The following METTL16 variants were observed in gnomAD, a reference collection of about 807,000 sequenced individuals.
The protein encoded by METTL16 is RNA N(6)-adenosine-methyltransferase METTL16.
Under a neutral mutation model 57.9 loss-of-function variants are expected in METTL16, and 19 were observed. The observed-to-expected ratio is 0.33, with a 90% CI of 0.23 to 0.48. The LOEUF (loss-of-function observed/expected upper bound fraction) is 0.48. METTL16 is among the 20% of genes least tolerant of loss of function. The pLI, the probability that METTL16 is intolerant of heterozygous loss-of-function variation, is 0.99. For missense variants in METTL16, 434 were observed against 691.5 expected, an observed-to-expected ratio of 0.63 and a Z score of 4.18; for synonymous variants, 246 against 255.6, an observed-to-expected ratio of 0.96 and a Z score of 0.36.
intron 1 of METTL16, among the ~76,000 whole-genome samples, chr17:2,506,975 G>A (rs148431520): frequency 0.58 from 84,350 of 144,562 alleles, 28,371 homozygotes; most frequent in Non-Finnish European, 0.75. Context: ...CCTGGCAACC[G>A]CCCCGTCGGA....
chr17:2,464,414 A>T, intron 5 of METTL16, 64 bp from the exon 6 acceptor site: 1 of 1,461,206 alleles, frequency 6.8e-7, no homozygotes, highest in South Asian at 1.4e-5. Flanking sequence ...TTTGAATGTA[A>T]TCTATCTCTA....
intron 2 of METTL16, among the ~76,000 whole-genome samples, chr17:2,492,902 A>AAAAAAC (rs1235663512): frequency 7.5e-6 from 1 of 133,938 alleles, no homozygotes; most frequent in African/African-American, 2.6e-5. Context: ...CGTCTCAAAA[A>AAAAAAC]AAAAAAAAAA....
At chr17:2,493,570 T>C (rs948520192) in intron 2 of METTL16, among the ~76,000 whole-genome samples, 1 of 151,868 alleles carries the variant, frequency 6.6e-6, no homozygotes, top group African/African-American at 2.4e-5. Flanking sequence ...AATACAAAAA[T>C]TAGCCAGCTG....
At chr17:2,454,626 A>G (rs2067096149) in intron 6 of METTL16, among the ~76,000 whole-genome samples, 1 of 141,458 alleles carries the variant, frequency 7.1e-6, no homozygotes, top group African/African-American at 2.7e-5. Context: ...GTGCAGTGGC[A>G]TGATCTCAGC....
At chr17:2,458,405 A>C (rs886356440) in intron 6 of METTL16, among the ~76,000 whole-genome samples, 2 of 129,252 alleles carry the variant, frequency 1.5e-5, no homozygotes, top group Admixed American at 1.5e-4. Flanking sequence ...TGTGGAGAAT[A>C]AATTAAAAAA....
At chr17:2,476,768 C>T (rs2067271440) in intron 3 of METTL16, among the ~76,000 whole-genome samples, 1 of 151,070 alleles carries the variant, frequency 6.6e-6, no homozygotes, top group African/African-American at 2.4e-5. Flanking sequence ...ACAACCTGAT[C>T]AACATGGTGA....
chr17:2,469,564 A>C (rs75797864), intron 4 of METTL16, among the ~76,000 whole-genome samples: 2,466 of 147,388 alleles, frequency 0.017, 21 homozygotes, highest in Non-Finnish European at 0.026. Flanking sequence ...CATTCTGTAG[A>C]ACAGGATAGA....
intron 2 of METTL16, among the ~76,000 whole-genome samples, chr17:2,488,004 C>CAAATAAAATAAAAT: frequency 6.6e-6 from 1 of 151,246 alleles, no homozygotes; most frequent in East Asian, 1.9e-4. Flanking sequence ...GACCCAGTCT[C>CAAATAAAATAAAAT]AAATAAAATA....
rs752332818 is a variant in METTL16, at chr17:2,477,705, G to T, written c.309C>A (p.Leu103=). The change falls in exon 3 of 10, where the codon CTC becomes CTA. Residue 103 remains leucine (L), a synonymous_variant. Coordinates refer to ENST00000263092, the MANE Select transcript of METTL16 (RefSeq NM_024086.4). ...IGHQDSDKST[L]RRGIDIGTGA... is the part of the protein sequence containing the mutation. ...ATATACCTATGTCAATTCCTCTTCG[G>T]AGAGTACTTTTGTCAGAATCCTGGT... 6.2e-7 allele frequency: 1 copy of T among 1,613,286 alleles called. No individual in the cohort carries two copies. The highest frequency in any genetic ancestry group is 1.7e-5 in the Admixed American group (1 of 60,012).
At chr17:2,447,243 G>A (rs1275660390) in intron 6 of METTL16, among the ~76,000 whole-genome samples, 2 of 148,814 alleles carry the variant, frequency 1.3e-5, no homozygotes, top group Admixed American at 6.6e-5. Flanking sequence ...GCCCTGTCTG[G>A]GATGTGAGGA....
intron 6 of METTL16, among the ~76,000 whole-genome samples, chr17:2,452,522 T>C (rs889442357): frequency 2.6e-5 from 4 of 152,134 alleles, no homozygotes; most frequent in African/African-American, 9.7e-5. Context: ...AAAAGGAAGA[T>C]CTAGTCACCC....
In METTL16 at chr17:2,420,664, A is replaced by AAAAAAAG. The variant is rs199804529; in HGVS notation, c.1062+60_1062+66dup. ...CCCTCTCTCCAAACTCTCAATAAAAAAAAAAAGAAAAAAGAAAAAAGAGAA... is the reference window on the plus strand; with the variant it reads ...CCCTCTCTCCAAACTCTCAATAAAAAAAAAAAGAAAAAAGAAAAAAGAAAAAAGAGAA... On this transcript the variant is annotated intron_variant, in intron 9 of 9. Transcript: ENST00000263092. This position sits in a 1 kb window ranked among gnomAD's most constrained non-coding sequence, Gnocchi z 5.4. 216 of 1,563,854 alleles carry AAAAAAAG rather than the reference A, an allele frequency of 1.4e-4. No individual in the cohort carries two copies. In the South Asian group the frequency reaches 2.2e-3, roughly 16 times the overall value.
chr17:2,438,506 G>C (rs1229654333), intron 7 of METTL16, among the ~76,000 whole-genome samples: 2 of 151,954 alleles, frequency 1.3e-5, no homozygotes, highest in Non-Finnish European at 2.9e-5. Flanking sequence ...GAGTTTTTTT[G>C]TTTTTTGTTT....
At chr17:2,491,669 A>G (rs1021835741) in intron 2 of METTL16, among the ~76,000 whole-genome samples, 35 of 151,686 alleles carry the variant, frequency 2.3e-4, no homozygotes, top group South Asian at 6.2e-4. Flanking sequence ...AGGTCAGGAG[A>G]TGGAGACCAT....
intron 2 of METTL16, among the ~76,000 whole-genome samples, chr17:2,489,628 A>G (rs923706752): frequency 6.7e-6 from 1 of 150,232 alleles, no homozygotes; most frequent in African/African-American, 2.5e-5. Context: ...AACCCCAGCT[A>G]CTAAGGAGGC....
intron 2 of METTL16, among the ~76,000 whole-genome samples, chr17:2,501,282 T>C (rs147197707): frequency 0.017 from 2,618 of 151,808 alleles, 62 homozygotes; most frequent in African/African-American, 0.058. Flanking sequence ...AAAATAAAAA[T>C]AGCTAAGCAT....
Sources: gnomAD v4.1 joint callset for allele counts (sites outside exome capture counted in the v4.1 genomes callset) on GRCh38, gnomAD v4.1.1 for gene constraint, Gnocchi (gnomAD v3.1) non-coding constraint, MANE v1.5 for transcripts, NCBI Gene and HGNC (gene_info 2026-07-23, HGNC 2026-07-21) for gene names.